The following TEK variants were observed in gnomAD, a reference collection of about 807,000 sequenced individuals.
TEK encodes TEK receptor tyrosine kinase.
In TEK, 43 loss-of-function variants were observed where a neutral mutation model predicts 131.8. The observed-to-expected ratio is 0.33, with a 90% confidence interval of 0.26 to 0.42. The LOEUF (loss-of-function observed/expected upper bound fraction) is 0.42. TEK is among the 10% of genes least tolerant of loss of function. TEK has a pLI of 1.00. For missense variants in TEK, 1,162 were observed against 1,384.4 expected, an observed-to-expected ratio of 0.84 and a Z score of 2.55; for synonymous variants, 580 against 491.6, an observed-to-expected ratio of 1.18 and a Z score of -2.38.
intron 11 of TEK, among the ~76,000 whole-genome samples, chr9:27,194,070 G>A (rs1405130681): frequency 1.3e-5 from 2 of 152,116 alleles, no homozygotes; most frequent in Non-Finnish European, 2.9e-5. Context: ...GCCTCTCAAA[G>A]TGTTAGGATT....
intron 3 of TEK, 143 bp from the exon 4 acceptor site, chr9:27,169,334 A>G (rs1177906763): frequency 3.6e-6 from 4 of 1,098,568 alleles, no homozygotes; most frequent in South Asian, 1.3e-5. Context: ...ATAGTTCAGC[A>G]TTTTCATTCT....
At chr9:27,185,663 C>A in intron 9 of TEK, 34 bp downstream of exon 9, 1 of 1,612,680 alleles carries the variant, frequency 6.2e-7, no homozygotes, top group Non-Finnish European at 8.5e-7. Flanking sequence ...GGATTGTGTC[C>A]TTGATGCATT....
intron 1 of TEK, among the ~76,000 whole-genome samples, chr9:27,154,541 C>G (rs1000537764): frequency 1.3e-5 from 2 of 152,194 alleles, no homozygotes; most frequent in Non-Finnish European, 2.9e-5. Context: ...CCCAGTTCCC[C>G]CGAATAGGTC....
chr9:27,220,429 TTAAACA>T (rs1826014896), intron 21 of TEK, among the ~76,000 whole-genome samples: 1 of 152,308 alleles, frequency 6.6e-6, no homozygotes, highest in East Asian at 1.9e-4. Context: ...AACAAATTCT[TTAAACA>T]TACAACACTA....
intron 8 of TEK, among the ~76,000 whole-genome samples, chr9:27,184,951 A>C (rs1393395676): frequency 6.6e-6 from 1 of 152,036 alleles, no homozygotes; most frequent in Non-Finnish European, 1.5e-5. Flanking sequence ...TGGGGGGATC[A>C]CTTAAGGCCA....
intron 21 of TEK, among the ~76,000 whole-genome samples, chr9:27,223,253 ATTCAGCTCTGGACCAAG>A (rs1826165770): frequency 6.6e-6 from 1 of 152,006 alleles, no homozygotes; most frequent in South Asian, 2.1e-4. Context: ...CAGGACTTGA[ATTCAGCTCTGGACCAAG>A]TAGACCTAAT....
rs1042806982 is a variant in TEK at position 27,139,125 on chromosome 9, A to G, written c.53-18706A>G. On this transcript the variant is annotated intron_variant, in intron 1 of 22. Coordinates refer to ENST00000380036, the MANE Select transcript of TEK (RefSeq NM_000459.5). ...TCCGGAGGGAGGCTGAGGCAGGAGAATGGCGTGAACCTGGGAGGCGGAGCT... is the reference window on the plus strand; with the variant it reads ...TCCGGAGGGAGGCTGAGGCAGGAGAGTGGCGTGAACCTGGGAGGCGGAGCT... Among the ~76,000 whole-genome samples the G allele has an allele frequency of 2.7e-5, 4 of 147,296 alleles. No homozygotes were observed. In the Admixed American group the frequency reaches 2.8e-4, roughly 10 times the overall value.
At chr9:27,159,244 A>G (rs1372209082) in intron 2 of TEK, among the ~76,000 whole-genome samples, 2 of 152,126 alleles carry the variant, frequency 1.3e-5, no homozygotes, top group Admixed American at 6.5e-5. Flanking sequence ...CAGGAGCCTC[A>G]TGTGTTTCTA....
chr9:27,160,839 A>G lies in TEK; in HGVS notation c.364+2697A>G, dbSNP rs1224360959. ...ATGCAGCTCTCCGTTGAGGGAAGAGAGGTTGAACAAAGGGATGTGAGGTGT... is the reference window on the plus strand; with the variant it reads ...ATGCAGCTCTCCGTTGAGGGAAGAGGGGTTGAACAAAGGGATGTGAGGTGT... On this transcript the variant is annotated intron_variant, in intron 2 of 22. Coordinates refer to ENST00000380036, the MANE Select transcript of TEK (RefSeq NM_000459.5). 5.3e-5 allele frequency among the ~76,000 whole-genome samples: 8 copies of G among 152,202 alleles called. 1 individual carries two copies. The highest frequency in any genetic ancestry group is 5.2e-4 in the Admixed American group (8 of 15,282).
chr9:27,226,429 G>T (rs985657689), intron 21 of TEK, among the ~76,000 whole-genome samples: 2 of 152,156 alleles, frequency 1.3e-5, no homozygotes, highest in African/African-American at 2.4e-5. Flanking sequence ...TTGTCCTTTG[G>T]ACGGACATGG....
rs548612956 is a variant in TEK at position 27,228,269 on chromosome 9, A to G, written c.3264A>G (p.Ile1088Met). Residue 1088 changes from isoleucine (I) to methionine (M), a missense_variant, in exon 22 of 23, where the codon ATA becomes ATG. Transcript: ENST00000380036. ...KPYERPSFAQ[I>M]LVSLNRMLEE... is the part of the protein sequence containing the mutation. ...ATGAGAGGCCATCATTTGCCCAGAT[A>G]TTGGTGTCCTTAAACAGAATGTTAG... is the stretch of plus-strand genomic sequence containing the variant. The G allele has an allele frequency of 1.9e-6, 3 of 1,613,004 alleles. No homozygotes were observed. In the South Asian group the frequency reaches 3.3e-5, roughly 18 times the overall value.
intron 11 of TEK, 149 bp from the exon 12 acceptor site, chr9:27,197,166 T>C: frequency 1.3e-6 from 1 of 753,370 alleles, no homozygotes; most frequent in Non-Finnish European, 2.2e-6. Flanking sequence ...AAACCATTCA[T>C]GGGAAGTCAC....
chr9:27,221,011 A>C (rs1359208731), intron 21 of TEK, among the ~76,000 whole-genome samples: 3 of 152,170 alleles, frequency 2.0e-5, no homozygotes, highest in Non-Finnish European at 2.9e-5. Flanking sequence ...GCTAAGATCC[A>C]CTGGCTTGAA....
intron 21 of TEK, among the ~76,000 whole-genome samples, chr9:27,222,517 C>T (rs998558100): frequency 2.6e-5 from 4 of 152,202 alleles, no homozygotes; most frequent in Non-Finnish European, 4.4e-5. Flanking sequence ...GTAGACCTCT[C>T]TGTAGAAACC....
chr9:27,185,411 T>C (rs901463329), intron 8 of TEK, 74 bp from the exon 9 acceptor site: 316 of 1,539,456 alleles, frequency 2.1e-4, no homozygotes, highest in Non-Finnish European at 2.8e-4. Context: ...AACAATGAGA[T>C]GGGGTCAATG....
At chr9:27,212,577 C>G in intron 16 of TEK, 130 bp from the exon 17 acceptor site, 1 of 939,366 alleles carries the variant, frequency 1.1e-6, no homozygotes. Flanking sequence ...CCCCAGTGCT[C>G]CCTGGGTGGT....
chr9:27,202,648 C>T (rs1825260939), intron 12 of TEK, among the ~76,000 whole-genome samples, 172 bp from the exon 13 acceptor site: 1 of 152,154 alleles, frequency 6.6e-6, no homozygotes, highest in Non-Finnish European at 1.5e-5. Flanking sequence ...CTGTCTGTGC[C>T]ACTCTTTCAA....
intron 20 of TEK, among the ~76,000 whole-genome samples, chr9:27,219,785 T>C (rs1429926987): frequency 1.7e-5 from 1 of 57,758 alleles, no homozygotes; most frequent in Non-Finnish European, 4.1e-5. Flanking sequence ...ATAATAGATG[T>C]GCTTTGTGTG....
intron 2 of TEK, among the ~76,000 whole-genome samples, chr9:27,166,896 C>CT (rs1206168783): frequency 1.3e-5 from 2 of 152,204 alleles, no homozygotes; most frequent in African/African-American, 2.4e-5. Flanking sequence ...TTCTCTGGTC[C>CT]TTTTTTTCTC....
Sources: allele counts gnomAD v4.1 joint callset (sites outside exome capture counted in the v4.1 genomes callset), GRCh38; gene constraint gnomAD v4.1.1; transcripts MANE v1.5; gene names NCBI Gene and HGNC (gene_info 2026-07-23, HGNC 2026-07-21).